The following THSD7A variants were observed in gnomAD, a reference collection of about 807,000 sequenced individuals.
The protein encoded by THSD7A is thrombospondin type-1 domain-containing protein 7A.
THSD7A carries 96 observed loss-of-function variants against 231.3 expected under a neutral mutation model. The observed-to-expected ratio is 0.41, with a 90% confidence interval of 0.35 to 0.49. The LOEUF is 0.49. THSD7A is among the 20% of genes least tolerant of loss of function. THSD7A has a pLI of 0.05. For synonymous variants in THSD7A, 940 were observed against 743.3 expected, an observed-to-expected ratio of 1.26 and a Z score of -4.30; for missense variants, 2,290 against 2,070.2, an observed-to-expected ratio of 1.11 and a Z score of -2.06.
intron 4 of THSD7A, among the ~76,000 whole-genome samples, chr7:11,552,019 C>A (rs1207283117): frequency 6.6e-6 from 1 of 152,036 alleles, no homozygotes; most frequent in African/African-American, 2.4e-5. Context: ...TTTGCAGCAA[C>A]ATGGATGGAC....
chr7:11,407,081 C>G (rs1182223555), intron 20 of THSD7A, 26 bp from the exon 21 acceptor site: 2 of 1,611,968 alleles, frequency 1.2e-6, no homozygotes, highest in Admixed American at 3.3e-5. Context: ...AGTGATGCAC[C>G]TTTAATATAT....
At chr7:11,543,681 G>A (rs1231470351) in intron 4 of THSD7A, among the ~76,000 whole-genome samples, 1 of 152,148 alleles carries the variant, frequency 6.6e-6, no homozygotes, top group East Asian at 1.9e-4. Context: ...TTTCCAAAAT[G>A]TCTAAATAAT....
At chr7:11,812,033 A>G (rs1784540718) in intron 1 of THSD7A, among the ~76,000 whole-genome samples, 1 of 152,128 alleles carries the variant, frequency 6.6e-6, no homozygotes, top group African/African-American at 2.4e-5. Flanking sequence ...GAAAAGAACC[A>G]CTGAGCATAA....
At chr7:11,579,930 A>T (rs768465572) in intron 4 of THSD7A, among the ~76,000 whole-genome samples, 3 of 152,184 alleles carry the variant, frequency 2.0e-5, no homozygotes, top group Non-Finnish European at 4.4e-5. Flanking sequence ...ACAAAAATCT[A>T]TGTTAGAATT....
At chr7:11,684,415 G>A (rs1779957108) in intron 1 of THSD7A, among the ~76,000 whole-genome samples, 2 of 146,726 alleles carry the variant, frequency 1.4e-5, no homozygotes, top group African/African-American at 5.0e-5. Context: ...AAAAGACATT[G>A]AAATAGAAAA....
intron 1 of THSD7A, among the ~76,000 whole-genome samples, chr7:11,720,040 A>C (rs992075408): frequency 2.6e-5 from 4 of 151,796 alleles, no homozygotes; most frequent in African/African-American, 9.7e-5. Context: ...TCACACCTGC[A>C]TGGCATGACT....
chr7:11,524,212 A>G (rs1376629971), intron 6 of THSD7A, among the ~76,000 whole-genome samples: 1 of 152,084 alleles, frequency 6.6e-6, no homozygotes, highest in African/African-American at 2.4e-5. Context: ...CCAGCCCTAA[A>G]TGAAGGCTTG....
At chr7:11,823,596 GT>G (rs1784935026) in intron 1 of THSD7A, among the ~76,000 whole-genome samples, 1 of 151,960 alleles carries the variant, frequency 6.6e-6, no homozygotes, top group Non-Finnish European at 1.5e-5. Flanking sequence ...AGCATGGGAT[GT>G]TTTTCCATTT....
rs1782413048 is a variant in THSD7A, at chr7:11,379,294, A to G, written c.4591-14T>C. ...GCATGTTTTTGTCTGCAGGAGAACA[A>G]GAAGATTTATACTAGCCATGCAAGG... On this transcript the variant is annotated splice_polypyrimidine_tract_variant and intron_variant, in intron 25 of 27. Coordinates refer to ENST00000423059, the MANE Select transcript of THSD7A (RefSeq NM_015204.3). 6.2e-7 allele frequency: 1 copy of G among 1,613,018 alleles called. No individual in the cohort carries two copies. Among genetic ancestry groups the G allele is most frequent in the Non-Finnish European group, 8.5e-7 (1 of 1,179,154 alleles).
At chr7:11,756,063 T>C (rs1782664486) in intron 1 of THSD7A, among the ~76,000 whole-genome samples, 1 of 152,096 alleles carries the variant, frequency 6.6e-6, no homozygotes, top group African/African-American at 2.4e-5. Flanking sequence ...AACATTATCA[T>C]TGCATCTGCT....
chr7:11,668,744 C>G (rs147300195), intron 1 of THSD7A, among the ~76,000 whole-genome samples: 2 of 152,048 alleles, frequency 1.3e-5, no homozygotes. Context: ...TAAGGAACGG[C>G]GGGAGCACAG....
chr7:11,535,132 T>C (rs1788861173), intron 6 of THSD7A, among the ~76,000 whole-genome samples: 1 of 152,204 alleles, frequency 6.6e-6, no homozygotes, highest in African/African-American at 2.4e-5. Context: ...AATTATTTAC[T>C]CAATTTTTAT....
intron 9 of THSD7A, among the ~76,000 whole-genome samples, chr7:11,466,651 T>C (rs1785717614): frequency 1.3e-5 from 2 of 152,108 alleles, no homozygotes; most frequent in Non-Finnish European, 2.9e-5. Context: ...AGAAACAACA[T>C]GAGCTGCCAA....
intron 1 of THSD7A, among the ~76,000 whole-genome samples, chr7:11,785,009 G>A (rs903174033): frequency 2.0e-5 from 3 of 152,014 alleles, no homozygotes; most frequent in African/African-American, 7.2e-5. Flanking sequence ...CATTACACAA[G>A]GGCATAGCTT....
At chr7:11,674,499 T>C (rs1255582231) in intron 1 of THSD7A, among the ~76,000 whole-genome samples, 4 of 152,044 alleles carry the variant, frequency 2.6e-5, no homozygotes, top group Non-Finnish European at 5.9e-5. Flanking sequence ...CATCCTGAAT[T>C]ACACCACATA....
intron 4 of THSD7A, among the ~76,000 whole-genome samples, chr7:11,546,204 T>TCACACACACACACACACACA (rs60896722): frequency 1.4e-5 from 2 of 140,344 alleles, no homozygotes; most frequent in East Asian, 2.3e-4. Context: ...GGGCGCGCGC[T>TCACACACACACACACACACA]CACACACACA....
chr7:11,774,419 A>G (rs78835388), intron 1 of THSD7A, among the ~76,000 whole-genome samples: 4,501 of 152,184 alleles, frequency 0.03, 82 homozygotes, highest in East Asian at 0.11. Flanking sequence ...CATACTGCCC[A>G]TAGTTAACAA....
chr7:11,710,409 C>A lies in THSD7A; in HGVS notation c.191-73448G>T, dbSNP rs117240725. On this transcript the variant is annotated intron_variant, in intron 1 of 27. Transcript: ENST00000423059. ...AATAACTCTGATTTTGTTCAATCCA[C>A]TCATCAAAGCTAAGTCTCAGAAATA... Among the ~76,000 whole-genome samples, 9 of 151,062 alleles carry A rather than the reference C, an allele frequency of 6.0e-5. No homozygotes were observed. In the East Asian group the frequency reaches 1.8e-3, roughly 30 times the overall value.
rs372576743 is a variant in THSD7A, at chr7:11,636,485, C to T, written c.667G>A (p.Ala223Thr). 44 of 1,613,640 alleles carry T rather than the reference C, an allele frequency of 2.7e-5. No homozygotes were observed. In the African/African-American group the frequency reaches 3.7e-4, roughly 14 times the overall value. Residue 223 changes from alanine to threonine, a missense_variant, in exon 2 of 28, where the codon GCG becomes ACG. By Grantham distance (58) the Ala-to-Thr change is moderately conservative. Coordinates refer to ENST00000423059, the MANE Select transcript of THSD7A (RefSeq NM_015204.3). The surrounding 1 kb of genome is among the most constrained non-coding windows in gnomAD (Gnocchi z 10.0). Reference sequence around the variant, plus strand: ...CCAGAGCCTCCGAACTGCGGGGGCGCCACCACATGACGCGTCCGGTGCTGG... The same window carrying T: ...CCAGAGCCTCCGAACTGCGGGGGCGTCACCACATGACGCGTCCGGTGCTGG... ...GLQHRTRHVVAPPQFGGSGCP... is the reference protein window; with the variant it reads ...GLQHRTRHVVTPPQFGGSGCP...
Sources: gnomAD v4.1 joint callset for allele counts (sites outside exome capture counted in the v4.1 genomes callset) on GRCh38, gnomAD v4.1.1 for gene constraint, Gnocchi (gnomAD v3.1) non-coding constraint, MANE v1.5 for transcripts, NCBI Gene and HGNC (gene_info 2026-07-23, HGNC 2026-07-21) for gene names.